Variants in KCNQ2 observed in about 807,000 individuals in gnomAD.
KCNQ2 encodes potassium voltage-gated channel subfamily Q member 2, also known as potassium voltage-gated channel subfamily KQT member 2.
A neutral mutation model predicts 84.8 loss-of-function variants in KCNQ2; 14 were observed. That is an observed-to-expected ratio of 0.17 (90% CI 0.11 to 0.26). The LOEUF (loss-of-function observed/expected upper bound fraction) is 0.26. KCNQ2 is among the 10% of genes least tolerant of loss of function. KCNQ2 has a pLI of 1.00. For synonymous variants in KCNQ2, 599 were observed against 554.1 expected (o/e 1.08, Z -1.14); for missense variants, 788 against 1,254.0 (o/e 0.63, Z 5.61).
At chr20:63,427,371 ATGTCACACCCGCGCT>A (rs2080663459) in intron 10 of KCNQ2, among the ~76,000 whole-genome samples, 1 of 152,230 alleles carries the variant, frequency 6.6e-6, no homozygotes, top group Non-Finnish European at 1.5e-5. Flanking sequence ...CCCGGTTCTG[ATGTCACACCCGCGCT>A]TGTAGGCGTT....
rs2079797403 is a variant in KCNQ2, at chr20:63,400,962, T to C, written c.*5682A>G. 5.0e-6 allele frequency: 2 copies of C among 397,772 alleles called. No homozygotes were observed. Among genetic ancestry groups the C allele is most frequent in the Non-Finnish European group, 8.9e-6 (2 of 225,676 alleles). The allele number at this position is 397,772 out of a possible 1,614,324, so 24.6% of individuals were successfully genotyped here. A position where few individuals can be genotyped will look rare whatever the true frequency, so the allele number is the denominator to read the frequency against. On this transcript the variant is annotated 3_prime_UTR_variant, in exon 17 of 17. Coordinates refer to ENST00000359125, the MANE Select transcript of KCNQ2 (RefSeq NM_172107.4). The surrounding 1 kb of genome is among the most constrained non-coding windows in gnomAD (Gnocchi z 8.7). ...GTCCACATGCATTAAGGCAACGACT[T>C]TGTAAAACCCAGGCGGAGTTGGCGT...
chr20:63,428,647 C>T (rs1449509184), intron 9 of KCNQ2, among the ~76,000 whole-genome samples: 6 of 152,200 alleles, frequency 3.9e-5, no homozygotes, highest in Admixed American at 3.9e-4. Flanking sequence ...CATTCTCTGG[C>T]TGTGCCTGGG....
At chr20:63,422,071 CG>C (rs2080487827) in intron 11 of KCNQ2, among the ~76,000 whole-genome samples, 1 of 152,172 alleles carries the variant, frequency 6.6e-6, no homozygotes, top group African/African-American at 2.4e-5. Flanking sequence ...CTGACACCAG[CG>C]GGGTCCTGCC....
In KCNQ2 at chr20:63,408,450, G is replaced by T; in HGVS notation, c.1850C>A (p.Pro617His). Residue 617 changes from proline to histidine, a missense_variant, in exon 16 of 17, where the codon CCC (proline) becomes CAC (histidine). Pro to His is a moderately conservative substitution (Grantham distance 77). Coordinates refer to ENST00000359125, the MANE Select transcript of KCNQ2 (RefSeq NM_172107.4). This position sits in a 1 kb window ranked among gnomAD's most constrained non-coding sequence, Gnocchi z 5.0. Reference sequence around the variant, plus strand: ...CTTCCCGAGCCGTCCCATCATGCTGGGGTCCTCGGGCAGCTCCGCCTCGGC... The same window carrying T: ...CTTCCCGAGCCGTCCCATCATGCTGTGGTCCTCGGGCAGCTCCGCCTCGGC... ...GPAEAELPED[P>H]SMMGRLGKVE... The T allele has an allele frequency of 6.2e-7, 1 of 1,609,168 alleles. No homozygotes were observed.
At chr20:63,433,991 G>C in intron 7 of KCNQ2, 88 bp from the exon 8 acceptor site, 1 of 1,166,908 alleles carries the variant, frequency 8.6e-7, no homozygotes, top group Non-Finnish European at 1.3e-6. Context: ...ACGGGGCAGA[G>C]GGGACCCCCA....
At chr20:63,456,455 C>T (rs1400111288) in intron 1 of KCNQ2, among the ~76,000 whole-genome samples, 1 of 152,138 alleles carries the variant, frequency 6.6e-6, no homozygotes, top group South Asian at 2.1e-4. Context: ...CTGTTCATCT[C>T]ATCTTGCGTA....
rs766163268 is a variant in KCNQ2, at chr20:63,406,898, A to C, written c.2365T>G (p.Ser789Ala). 6.2e-7 allele frequency: 1 copy of C among 1,611,412 alleles called. No homozygotes were observed. The highest frequency in any genetic ancestry group is 8.5e-7 in the Non-Finnish European group (1 of 1,179,542). The change falls in exon 17 of 17, where the codon TCC (serine) becomes GCC (alanine). Residue 789 changes from serine to alanine, a missense_variant. Physicochemically the swap from Ser to Ala is moderately conservative, Grantham distance 99. Coordinates refer to ENST00000359125, the MANE Select transcript of KCNQ2 (RefSeq NM_172107.4). ...TCCTCGTGGTCCACGGACGGGATGG[A>C]GATGGACGTGTCGCTGTCCCGCAGG... ...GNLRDSDTSISIPSVDHEELE... is the reference protein window; with the variant it reads ...GNLRDSDTSIAIPSVDHEELE...
At chr20:63,436,339 G>A (rs547248185) in intron 7 of KCNQ2, among the ~76,000 whole-genome samples, 50 of 152,310 alleles carry the variant, frequency 3.3e-4, no homozygotes, top group Admixed American at 2.8e-3. Context: ...AGACCATCCT[G>A]GCTAACACGG....
chr20:63,445,026 G>A (rs137957398), intron 3 of KCNQ2, among the ~76,000 whole-genome samples, 192 bp from the exon 4 acceptor site: 7 of 152,356 alleles, frequency 4.6e-5, no homozygotes, highest in African/African-American at 1.2e-4. Context: ...GCCCAGGATG[G>A]GCAGCCCAGC....
chr20:63,443,405 AC>A (rs1258468870), intron 4 of KCNQ2, among the ~76,000 whole-genome samples: 3 of 65,854 alleles, frequency 4.6e-5, no homozygotes, highest in Non-Finnish European at 9.1e-5. Flanking sequence ...CACCATCACC[AC>A]CATCACCATC....
rs530012934 is a variant in KCNQ2 at position 63,403,640 on chromosome 20, A to G, written c.*3004T>C. 2.0e-5 allele frequency: 3 copies of G among 152,176 alleles called. No individual in the cohort carries two copies. In the South Asian group the frequency reaches 6.2e-4, roughly 32 times the overall value. The allele number at this position is 152,176 out of a possible 1,614,324, so 9.4% of individuals were successfully genotyped here. A position where few individuals can be genotyped will look rare whatever the true frequency, so the allele number is the denominator to read the frequency against. On this transcript the variant is annotated 3_prime_UTR_variant, in exon 17 of 17. Transcript: ENST00000359125. ...TGTATGCCTGTATGCAGGCATGTGTATGCACGTATGTGTACTGTGCATGGT... is the reference window on the plus strand; with the variant it reads ...TGTATGCCTGTATGCAGGCATGTGTGTGCACGTATGTGTACTGTGCATGGT...
At chr20:63,470,191 C>T (rs1337753316) in intron 1 of KCNQ2, among the ~76,000 whole-genome samples, 1 of 151,568 alleles carries the variant, frequency 6.6e-6, no homozygotes, top group African/African-American at 2.4e-5. Flanking sequence ...CTCCCTGAGT[C>T]CAAGCCACCC....
chr20:63,446,632 G>C lies in KCNQ2; in HGVS notation c.387+115C>G, dbSNP rs940666712. The C allele has an allele frequency of 1.2e-6, 1 of 866,708 alleles. No homozygotes were observed. Among genetic ancestry groups the C allele is most frequent in the African/African-American group, 1.7e-5 (1 of 59,876 alleles). 53.7% of individuals were successfully genotyped at this position (866,708 alleles called of 1,614,324 possible). On this transcript the variant is annotated intron_variant, in intron 2 of 16. Transcript: ENST00000359125. This position sits in a 1 kb window ranked among gnomAD's most constrained non-coding sequence, Gnocchi z 5.5. ...CTGACAGGGCACAAAGACATGGCCA[G>C]AGCTGGGGCTGGGGGCGTCAGAGGC...
intron 4 of KCNQ2, among the ~76,000 whole-genome samples, 154 bp from the exon 5 acceptor site, chr20:63,442,685 AT>A (rs1325763234): frequency 2.9e-5 from 3 of 103,430 alleles, no homozygotes; most frequent in Non-Finnish European, 6.3e-5. Context: ...CACCACCACC[AT>A]CACCATCACC....
At chr20:63,434,282 C>T in intron 7 of KCNQ2, 2 of 241,688 alleles carry the variant, frequency 8.3e-6, no homozygotes, top group East Asian at 1.7e-4. Flanking sequence ...CCTGGGCAAC[C>T]TGAGGCGCTG....
At chr20:63,421,130 C>T (rs922414863) in intron 11 of KCNQ2, among the ~76,000 whole-genome samples, 5 of 152,138 alleles carry the variant, frequency 3.3e-5, no homozygotes, top group South Asian at 2.1e-4. Flanking sequence ...GGCAGGGTCC[C>T]GCTTCCCCAA....
At chr20:63,442,058 T>A (rs1479099110) in intron 5 of KCNQ2, among the ~76,000 whole-genome samples, 1 of 152,082 alleles carries the variant, frequency 6.6e-6, no homozygotes, top group Non-Finnish European at 1.5e-5. Context: ...CCAGGACAGA[T>A]CTCCTAGGGA....
intron 8 of KCNQ2, 21 bp downstream of exon 8, chr20:63,433,788 G>A (rs766039062): frequency 1.2e-6 from 2 of 1,613,746 alleles, no homozygotes; most frequent in Admixed American, 3.3e-5. Flanking sequence ...TTGCTTGGTG[G>A]CAGGTGCCCG....
intron 5 of KCNQ2, among the ~76,000 whole-genome samples, chr20:63,441,487 A>G (rs1176470863): frequency 6.6e-6 from 1 of 152,118 alleles, no homozygotes; most frequent in East Asian, 1.9e-4. Flanking sequence ...AAATATACAC[A>G]AGCATTACTC....
Sources: gnomAD v4.1 joint callset for allele counts (sites outside exome capture counted in the v4.1 genomes callset) on GRCh38, gnomAD v4.1.1 for gene constraint, Gnocchi (gnomAD v3.1) non-coding constraint, MANE v1.5 for transcripts, NCBI Gene and HGNC (gene_info 2026-07-23, HGNC 2026-07-21) for gene names.